Variants in SPTBN4 observed in about 807,000 individuals in gnomAD.
SPTBN4 encodes spectrin beta chain, non-erythrocytic 4.
Under a neutral mutation model 277.8 loss-of-function variants are expected in SPTBN4, and 96 were observed. The ratio of observed to expected loss-of-function variants is 0.35; its 90% CI spans 0.29 to 0.41. SPTBN4 has a LOEUF of 0.41. Among genes scored for constraint, SPTBN4 ranks in the 10% least tolerant of loss-of-function variants. SPTBN4 has a pLI of 1.00. For missense variants in SPTBN4, 3,006 were observed against 3,595.7 expected, an observed-to-expected ratio of 0.84 and a Z score of 4.19; for synonymous variants, 1,481 against 1,580.3, an observed-to-expected ratio of 0.94 and a Z score of 1.49.
chr19:40,529,276 C>G, intron 18 of SPTBN4, 145 bp downstream of exon 18: 1 of 732,202 alleles, frequency 1.4e-6, no homozygotes, highest in Non-Finnish European at 2.2e-6. Context: ...GCGCGCGGAG[C>G]CGGGTCTCAG....
intron 27 of SPTBN4, among the ~76,000 whole-genome samples, chr19:40,563,261 G>A (rs1015711351): frequency 6.6e-6 from 1 of 151,884 alleles, no homozygotes; most frequent in Non-Finnish European, 1.5e-5. Context: ...GTGCATGCCT[G>A]TAGTCCCAGC....
At chr19:40,509,586 T>C (rs1362130602) in intron 13 of SPTBN4, among the ~76,000 whole-genome samples, 1 of 152,172 alleles carries the variant, frequency 6.6e-6, no homozygotes, top group Non-Finnish European at 1.5e-5. Context: ...TGGCTAGCCC[T>C]GAGTGCTGAC....
Position 40,533,182 on chromosome 19 carries a change from A to G in SPTBN4, c.4095+411A>G, listed in dbSNP as rs150885093. Among the ~76,000 whole-genome samples, 8 of 152,262 alleles carry G rather than the reference A, an allele frequency of 5.3e-5. No individual in the cohort carries two copies. The East Asian group carries it at 1.5e-3, about 29-fold the overall frequency. On this transcript the variant is annotated intron_variant, in intron 19 of 35. Coordinates refer to ENST00000598249, the MANE Select transcript of SPTBN4 (RefSeq NM_020971.3). The stretch of plus-strand genomic sequence containing the variant: ...AGAGCCCTGGGTTCTAACTGTGTCT[A>G]TGCCTGTTACCAGCTGTGGGGCCTT...
chr19:40,521,285 G>A (rs1012514617), intron 16 of SPTBN4, among the ~76,000 whole-genome samples: 5 of 152,144 alleles, frequency 3.3e-5, no homozygotes, highest in African/African-American at 7.2e-5. Flanking sequence ...TCCACAAACC[G>A]GTGGGAAAAG....
intron 20 of SPTBN4, among the ~76,000 whole-genome samples, chr19:40,541,159 A>G (rs1007999233): frequency 6.6e-6 from 1 of 152,178 alleles, no homozygotes; most frequent in African/African-American, 2.4e-5. Flanking sequence ...TTTTAGAGGA[A>G]GGAGTTGGGG....
At chr19:40,492,380 A>G (rs2080148562) in intron 4 of SPTBN4, among the ~76,000 whole-genome samples, 1 of 152,050 alleles carries the variant, frequency 6.6e-6, no homozygotes, top group African/African-American at 2.4e-5. Flanking sequence ...GGAGTTGGGG[A>G]TGTTCCAGGT....
At chr19:40,572,558 A>G in intron 35 of SPTBN4, 178 bp downstream of exon 35, 1 of 701,808 alleles carries the variant, frequency 1.4e-6, no homozygotes, top group Non-Finnish European at 2.4e-6. Flanking sequence ...CCCAGTGGGG[A>G]GTGGGAAGGG....
chr19:40,556,392 T>C (rs2080979435), intron 25 of SPTBN4, 104 bp downstream of exon 25: 3 of 1,025,362 alleles, frequency 2.9e-6, no homozygotes, highest in East Asian at 2.6e-5. Context: ...ACCCGCCTCA[T>C]GGCTCTGCTG....
rs1234034911 is a variant in SPTBN4, at chr19:40,472,646, G to A, written c.25G>A (p.Asp9Asn). ...GATGGCGCAGGTACCAGGGGAAGTG[G>A]ACAACATGGAGGGCCTGCCTGCTCC... MAQVPGEV[D>N]NMEGLPAPNN... The change falls in exon 2 of 36, where the codon GAC becomes AAC. Residue 9 changes from aspartate to asparagine, a missense_variant. Around this residue, in one of 5 missense-constraint regions of SPTBN4, gnomAD observed 78 missense variants for 65.7 expected, o/e 1.19. Transcript: ENST00000598249. The A allele has an allele frequency of 6.2e-7, 1 of 1,613,694 alleles. No homozygotes were observed. Among genetic ancestry groups the A allele is most frequent in the South Asian group, 1.1e-5 (1 of 90,992 alleles).
At chr19:40,468,689 A>C (rs912956930) in intron 1 of SPTBN4, among the ~76,000 whole-genome samples, 1 of 152,090 alleles carries the variant, frequency 6.6e-6, no homozygotes, top group Non-Finnish European at 1.5e-5. Flanking sequence ...CATCATTACT[A>C]TTTTGCAGAT....
At chr19:40,481,130 A>ATATGCGCTTG (rs2080006158) in intron 2 of SPTBN4, among the ~76,000 whole-genome samples, 1 of 152,090 alleles carries the variant, frequency 6.6e-6, no homozygotes, top group Non-Finnish European at 1.5e-5. Context: ...TTTGGTGGAC[A>ATATGCGCTTG]TATGCGCTTG....
chr19:40,534,141 G>A lies in SPTBN4; in HGVS notation c.4157G>A (p.Gly1386Asp), dbSNP rs757704075. 4 of 1,612,540 alleles carry A rather than the reference G, an allele frequency of 2.5e-6. No homozygotes were observed. In the African/African-American group the frequency reaches 4.0e-5, roughly 16 times the overall value. Residue 1386 changes from glycine to aspartate, a missense_variant, in exon 20 of 36, where the codon GGC becomes GAC. By Grantham distance (94) the Gly-to-Asp change is moderately conservative (BLOSUM62 -1). Coordinates refer to ENST00000598249, the MANE Select transcript of SPTBN4 (RefSeq NM_020971.3). ...ELAASVRKKL[G>D]EIRQCWAELE... ...GCGGCCTCCGTGCGGAAGAAGCTGGGCGAGATCCGCCAGTGCTGGGCGGAG... is the reference window on the plus strand; with the variant it reads ...GCGGCCTCCGTGCGGAAGAAGCTGGACGAGATCCGCCAGTGCTGGGCGGAG...
intron 15 of SPTBN4, among the ~76,000 whole-genome samples, chr19:40,517,671 C>T (rs1489353590): frequency 3.3e-5 from 5 of 152,288 alleles, no homozygotes; most frequent in African/African-American, 4.8e-5. Context: ...CCAAGACCAT[C>T]GCAAAGCATC....
chr19:40,510,359 C>T (rs1366891491), intron 13 of SPTBN4, among the ~76,000 whole-genome samples: 6 of 151,822 alleles, frequency 4.0e-5, no homozygotes, highest in East Asian at 1.9e-4. Context: ...GGCTGGAGTA[C>T]GGTGGCACTA....
chr19:40,467,905 C>A (rs2079844436), intron 1 of SPTBN4, among the ~76,000 whole-genome samples: 1 of 152,122 alleles, frequency 6.6e-6, no homozygotes, highest in East Asian at 1.9e-4. Flanking sequence ...AACTTGAACT[C>A]ATTTCTGTCT....
intron 13 of SPTBN4, among the ~76,000 whole-genome samples, chr19:40,512,229 ATCAT>A (rs2080398741): frequency 6.6e-6 from 1 of 152,246 alleles, no homozygotes; most frequent in Non-Finnish European, 1.5e-5. Context: ...GAATCCATCC[ATCAT>A]TCAGTCAACA....
At position 40,575,401 on chromosome 19, in the gene SPTBN4, C is replaced by A. The variant is rs1259702832; in HGVS notation, c.7537-10C>A. ...CAAATACGGCCTCTGTGCCCTGTTTCTTCCCCCAGGAGGAGATGAACGGCT... is the reference window on the plus strand; with the variant it reads ...CAAATACGGCCTCTGTGCCCTGTTTATTCCCCCAGGAGGAGATGAACGGCT... On this transcript the variant is annotated splice_polypyrimidine_tract_variant and intron_variant, in intron 35 of 35. Coordinates refer to ENST00000598249, the MANE Select transcript of SPTBN4 (RefSeq NM_020971.3). The A allele has an allele frequency of 6.2e-7, 1 of 1,612,070 alleles. No individual in the cohort carries two copies. Among genetic ancestry groups the A allele is most frequent in the Non-Finnish European group, 8.5e-7 (1 of 1,179,068 alleles).
At position 40,560,903 on chromosome 19, in the gene SPTBN4, C is replaced by T. The variant is rs973037557; in HGVS notation, c.5915+500C>T. On this transcript the variant is annotated intron_variant, in intron 27 of 35. Transcript: ENST00000598249. The surrounding 1 kb of genome is among the most constrained non-coding windows in gnomAD (Gnocchi z 5.2). ...AGTCACATGCTGGACCCTCTGCATC[C>T]CGCTGCAGATGGGAAAAGATAGCAG... Among the ~76,000 whole-genome samples the T allele has an allele frequency of 3.3e-5, 5 of 150,290 alleles. No homozygotes were observed. Among genetic ancestry groups the T allele is most frequent in the Admixed American group, 2.7e-4 (4 of 15,048 alleles).
At chr19:40,566,759 G>GTT (rs1254524980) in intron 30 of SPTBN4, among the ~76,000 whole-genome samples, 1 of 152,034 alleles carries the variant, frequency 6.6e-6, no homozygotes, top group Non-Finnish European at 1.5e-5. Flanking sequence ...GAGGCCAGGA[G>GTT]TTTGAGACCA....
Sources: allele counts gnomAD v4.1 joint callset (sites outside exome capture counted in the v4.1 genomes callset), GRCh38; gene constraint gnomAD v4.1.1; regional missense constraint gnomAD v4.1.1; non-coding constraint Gnocchi (gnomAD v3.1); transcripts MANE v1.5; gene names NCBI Gene and HGNC (gene_info 2026-07-23, HGNC 2026-07-21).